SLC24A2: variants seen among roughly 807,000 people sequenced by gnomAD.
The protein encoded by SLC24A2 is sodium/potassium/calcium exchanger 2.
SLC24A2 carries 36 observed loss-of-function variants against 62.0 expected under a neutral mutation model. The observed-to-expected ratio is 0.58, with a 90% CI of 0.44 to 0.77. SLC24A2 has a LOEUF of 0.77. Ranked by LOEUF, SLC24A2 falls within the 30% of genes least tolerant of loss-of-function variation. SLC24A2 has a pLI of 0.00. For synonymous variants in SLC24A2, 358 were observed against 294.0 expected (o/e 1.22, Z -2.23); for missense variants, 846 against 817.9 (o/e 1.03, Z -0.42).
At chr9:19,653,778 G>A (rs915856910) in intron 2 of SLC24A2, among the ~76,000 whole-genome samples, 7 of 152,172 alleles carry the variant, frequency 4.6e-5, no homozygotes, top group African/African-American at 1.7e-4. Flanking sequence ...ACATTCCAAT[G>A]TGACAGCTGA....
At chr9:19,551,794 G>C (rs1006704395) in intron 7 of SLC24A2, among the ~76,000 whole-genome samples, 1 of 152,070 alleles carries the variant, frequency 6.6e-6, no homozygotes, top group African/African-American at 2.4e-5. Flanking sequence ...GCTATGTCTT[G>C]TTTATTTATC....
the SLC24A2 span, among the ~76,000 whole-genome samples, chr9:20,247,074 C>T: frequency 1.3e-5 from 2 of 152,192 alleles, no homozygotes; most frequent in Admixed American, 6.5e-5. Flanking sequence ...TAGATAGCAC[C>T]TTCTGCTAAG....
intron 2 of SLC24A2, among the ~76,000 whole-genome samples, chr9:19,646,679 C>G (rs10118808): frequency 0.44 from 66,713 of 151,812 alleles, 15,264 homozygotes; most frequent in East Asian, 0.73. Context: ...TAAACAGAGT[C>G]TCTCTATTCT....
At chr9:20,011,026 T>G in the SLC24A2 span, among the ~76,000 whole-genome samples, 6 of 152,176 alleles carry the variant, frequency 3.9e-5, no homozygotes, top group South Asian at 2.1e-4. Flanking sequence ...ACATTTGGGT[T>G]GGTTCCAGGT....
the SLC24A2 span, among the ~76,000 whole-genome samples, chr9:20,158,565 C>T: frequency 8.0e-4 from 121 of 151,650 alleles, 2 homozygotes; most frequent in African/African-American, 2.8e-3. Context: ...CCATCCAGAA[C>T]AATAAGAAAT....
At chr9:19,861,933 A>G in the SLC24A2 span, among the ~76,000 whole-genome samples, 2 of 152,182 alleles carry the variant, frequency 1.3e-5, no homozygotes, top group Admixed American at 6.5e-5. Flanking sequence ...CCAATGAAGC[A>G]TGTCTACGGG....
At position 19,515,077 on chromosome 9, in the gene SLC24A2, A is replaced by G. The variant is rs1832872878; in HGVS notation, c.*1076T>C. ...CTCTCTTGGCAGCCCTTAGCATCAA[A>G]ATATATCTACATGACAATCACAGCT... On this transcript the variant is annotated 3_prime_UTR_variant, in exon 11 of 11. Transcript: ENST00000341998. The G allele has an allele frequency of 6.6e-6, 1 of 152,164 alleles. No individual in the cohort carries two copies. Among genetic ancestry groups the G allele is most frequent in the South Asian group, 2.1e-4 (1 of 4,830 alleles). The allele number at this position is 152,164 out of a possible 1,614,324, so 9.4% of individuals were successfully genotyped here. A position where few individuals can be genotyped will look rare whatever the true frequency, so the allele number is the denominator to read the frequency against.
At chr9:19,838,552 T>C in the SLC24A2 span, among the ~76,000 whole-genome samples, 1 of 151,130 alleles carries the variant, frequency 6.6e-6, no homozygotes, top group Non-Finnish European at 1.5e-5. Flanking sequence ...AGCAAGAGAA[T>C]TGCTTGAACT....
intron 2 of SLC24A2, among the ~76,000 whole-genome samples, chr9:19,696,483 T>A (rs886108382): frequency 2.0e-5 from 3 of 152,180 alleles, no homozygotes; most frequent in Non-Finnish European, 2.9e-5. Context: ...GTGTTTGGTA[T>A]CCCTGAGTCT....
the SLC24A2 span, among the ~76,000 whole-genome samples, chr9:19,850,932 CATATATATATAT>C: frequency 2.0e-5 from 1 of 48,808 alleles, no homozygotes; most frequent in Non-Finnish European, 4.4e-5. Context: ...CTCATGTGGG[CATATATATATAT>C]ACATATATAT....
chr9:20,084,840 ATTC>A, the SLC24A2 span, among the ~76,000 whole-genome samples: 1 of 152,214 alleles, frequency 6.6e-6, no homozygotes. Context: ...AAGAAAAAAA[ATTC>A]TTCTTTTCAG....
chr9:19,818,904 A>C, the SLC24A2 span, among the ~76,000 whole-genome samples: 4 of 152,186 alleles, frequency 2.6e-5, no homozygotes, highest in Non-Finnish European at 5.9e-5. Flanking sequence ...AGACTAAGCA[A>C]AAAGAACAAA....
intron 2 of SLC24A2, among the ~76,000 whole-genome samples, chr9:19,697,724 T>C (rs1264352141): frequency 6.6e-6 from 1 of 152,220 alleles, no homozygotes; most frequent in African/African-American, 2.4e-5. Flanking sequence ...ATGTTCATCT[T>C]TTAAAGAAAA....
chr9:19,627,368 T>C (rs1208509739), intron 2 of SLC24A2, among the ~76,000 whole-genome samples: 3 of 152,188 alleles, frequency 2.0e-5, no homozygotes, highest in Non-Finnish European at 4.4e-5. Context: ...TTCGCCAATA[T>C]GGAAGGAGTA....
At chr9:19,683,477 T>C (rs1028657048) in intron 2 of SLC24A2, among the ~76,000 whole-genome samples, 1 of 151,996 alleles carries the variant, frequency 6.6e-6, no homozygotes, top group Non-Finnish European at 1.5e-5. Flanking sequence ...CACCTAGCCA[T>C]TGTGATCAGG....
chr9:20,037,162 T>G, the SLC24A2 span, among the ~76,000 whole-genome samples: 1 of 150,496 alleles, frequency 6.6e-6, no homozygotes, highest in African/African-American at 2.4e-5. Context: ...CCTCCCAAAG[T>G]GCTGGGATTA....
At chr9:19,636,685 TCA>T (rs1400766220) in intron 2 of SLC24A2, among the ~76,000 whole-genome samples, 3 of 152,048 alleles carry the variant, frequency 2.0e-5, no homozygotes, top group Non-Finnish European at 2.9e-5. Flanking sequence ...TCCACCTGCC[TCA>T]CCTCCCAAAA....
the SLC24A2 span, among the ~76,000 whole-genome samples, chr9:20,022,769 T>C: frequency 6.7e-6 from 1 of 149,494 alleles, no homozygotes. Flanking sequence ...CCTTTGCTAT[T>C]ATCCTGCCTT....
At chr9:20,110,177 C>T in the SLC24A2 span, among the ~76,000 whole-genome samples, 1 of 152,048 alleles carries the variant, frequency 6.6e-6, no homozygotes. Context: ...AAAATGAGCC[C>T]TCTGGATATG....
Sources: gnomAD v4.1 joint callset for allele counts (sites outside exome capture counted in the v4.1 genomes callset) on GRCh38, gnomAD v4.1.1 for gene constraint, MANE v1.5 for transcripts, NCBI Gene and HGNC (gene_info 2026-07-23, HGNC 2026-07-21) for gene names.